Variants in TSPAN18 observed in about 807,000 individuals in gnomAD.
TSPAN18 encodes tetraspanin 18.
Under a neutral mutation model 27.3 loss-of-function variants are expected in TSPAN18, and 14 were observed. The ratio of observed to expected loss-of-function variants is 0.51; its 90% CI spans 0.34 to 0.80. The LOEUF (loss-of-function observed/expected upper bound fraction) is 0.80, where lower values mean the gene tolerates loss of function less well. Ranked by LOEUF, TSPAN18 falls within the 30% of genes least tolerant of loss-of-function variation. The pLI is 0.01. For synonymous variants in TSPAN18, 143 were observed against 136.5 expected (o/e 1.05, Z -0.33); for missense variants, 268 against 323.9 (o/e 0.83, Z 1.32).
At chr11:44,805,524 A>G (rs1856573487) in intron 2 of TSPAN18, among the ~76,000 whole-genome samples, 1 of 152,118 alleles carries the variant, frequency 6.6e-6, no homozygotes, top group Non-Finnish European at 1.5e-5. Context: ...TGGGCCAGGG[A>G]GATTGAGTTC....
chr11:44,756,974 T>C (rs531464001), intron 1 of TSPAN18, among the ~76,000 whole-genome samples: 1 of 152,352 alleles, frequency 6.6e-6, no homozygotes, highest in South Asian at 2.1e-4. Context: ...TTGACTACGA[T>C]GTTTGCTGTT....
chr11:44,881,657 C>G (rs1858492515), intron 3 of TSPAN18, among the ~76,000 whole-genome samples: 1 of 152,220 alleles, frequency 6.6e-6, no homozygotes, highest in Admixed American at 6.5e-5. Flanking sequence ...ATGCCAGGCA[C>G]TGTTCAGACA....
At chr11:44,781,078 G>A (rs1855927520) in intron 2 of TSPAN18, among the ~76,000 whole-genome samples, 1 of 152,246 alleles carries the variant, frequency 6.6e-6, no homozygotes, top group Non-Finnish European at 1.5e-5. Context: ...GGTTTCTGCA[G>A]AGGGCCGGAG....
intron 8 of TSPAN18, chr11:44,926,468 C>T: frequency 1.7e-6 from 1 of 572,410 alleles, no homozygotes; most frequent in South Asian, 2.1e-5. Context: ...GGCCGGGTGG[C>T]AAAGAGGGTC....
chr11:44,846,559 T>TCTG, intron 2 of TSPAN18, among the ~76,000 whole-genome samples: 1 of 151,878 alleles, frequency 6.6e-6, no homozygotes, highest in East Asian at 1.9e-4. Flanking sequence ...ACAGAAACAG[T>TCTG]CTGCTCTGGG....
At chr11:44,732,117 G>T (rs1055117385) in intron 1 of TSPAN18, among the ~76,000 whole-genome samples, 1 of 152,238 alleles carries the variant, frequency 6.6e-6, no homozygotes, top group South Asian at 2.1e-4. Context: ...GGCCCGGTCC[G>T]TGGTCTAAAG....
At chr11:44,878,954 G>A (rs1014661400) in intron 3 of TSPAN18, among the ~76,000 whole-genome samples, 4 of 152,130 alleles carry the variant, frequency 2.6e-5, no homozygotes, top group African/African-American at 4.8e-5. Context: ...TCAGCAGCAC[G>A]ATGGAAATGC....
chr11:44,791,387 C>T (rs1034080639), intron 2 of TSPAN18, among the ~76,000 whole-genome samples: 7 of 152,216 alleles, frequency 4.6e-5, no homozygotes, highest in African/African-American at 1.7e-4. Context: ...CTAATTGGCT[C>T]ATCTGTTTAA....
chr11:44,730,940 T>G (rs939513025), intron 1 of TSPAN18, among the ~76,000 whole-genome samples: 1 of 152,190 alleles, frequency 6.6e-6, no homozygotes, highest in African/African-American at 2.4e-5. Context: ...ACACTTTTTA[T>G]AAAGAATGGG....
At chr11:44,803,905 C>T (rs1161692470) in intron 2 of TSPAN18, among the ~76,000 whole-genome samples, 1 of 152,196 alleles carries the variant, frequency 6.6e-6, no homozygotes, top group Non-Finnish European at 1.5e-5. Flanking sequence ...AGCCTTCCAA[C>T]ATGAAAACCC....
At chr11:44,880,113 C>T (rs1316831463) in intron 3 of TSPAN18, among the ~76,000 whole-genome samples, 1 of 152,248 alleles carries the variant, frequency 6.6e-6, no homozygotes, top group East Asian at 1.9e-4. Context: ...TCCATTACCA[C>T]ATCTTGGACA....
At chr11:44,735,698 G>A (rs1854775574) in intron 1 of TSPAN18, among the ~76,000 whole-genome samples, 1 of 151,198 alleles carries the variant, frequency 6.6e-6, no homozygotes, top group African/African-American at 2.4e-5. Context: ...CTCACTGCAA[G>A]CTCCGCCTCC....
At chr11:44,920,083 G>T in intron 8 of TSPAN18, 84 bp downstream of exon 8, 1 of 1,387,072 alleles carries the variant, frequency 7.2e-7, no homozygotes. Flanking sequence ...TATCACCCCA[G>T]AGGGTCTGAA....
intron 2 of TSPAN18, among the ~76,000 whole-genome samples, chr11:44,780,321 A>G (rs928742503): frequency 4.6e-5 from 7 of 152,234 alleles, no homozygotes; most frequent in Non-Finnish European, 1.0e-4. Context: ...CAGATTATCC[A>G]TTTACCTGGA....
chr11:44,758,678 G>A (rs750030157), intron 1 of TSPAN18, among the ~76,000 whole-genome samples: 2 of 152,276 alleles, frequency 1.3e-5, no homozygotes, highest in African/African-American at 2.4e-5. Context: ...CAGTCTATTA[G>A]CTCATCCAAT....
chr11:44,747,751 C>G (rs1450659358), intron 1 of TSPAN18, among the ~76,000 whole-genome samples: 1 of 152,188 alleles, frequency 6.6e-6, no homozygotes, highest in Non-Finnish European at 1.5e-5. Context: ...TCCTCATGCA[C>G]ACTCACACGC....
Position 44,748,489 on chromosome 11 carries a change from ACT to A in TSPAN18, c.-239-15934_-239-15933del, listed in dbSNP as rs1242192226. 1.4e-4 allele frequency among the ~76,000 whole-genome samples: 21 copies of A among 152,076 alleles called. No individual in the cohort carries two copies. In the East Asian group the frequency reaches 4.1e-3, roughly 29 times the overall value. On this transcript the variant is annotated intron_variant, in intron 1 of 9. Transcript: ENST00000520358. The stretch of plus-strand genomic sequence containing the variant: ...TTCTTACTACATCTTAAATTCCATG[ACT>A]CTGCCAGTGAGTGGACTGGATCTCA...
chr11:44,728,304 T>A (rs4755279), intron 1 of TSPAN18, among the ~76,000 whole-genome samples: 1 of 152,160 alleles, frequency 6.6e-6, no homozygotes, highest in Non-Finnish European at 1.5e-5. Context: ...CAGAAAAAGA[T>A]GTAAGAAACT....
At chr11:44,896,780 C>A (rs2135298965) in intron 3 of TSPAN18, among the ~76,000 whole-genome samples, 1 of 152,186 alleles carries the variant, frequency 6.6e-6, no homozygotes, top group African/African-American at 2.4e-5. Flanking sequence ...CTCCTCCACG[C>A]TGCCACCACC....
Sources: gnomAD v4.1 joint callset for allele counts (sites outside exome capture counted in the v4.1 genomes callset) on GRCh38, gnomAD v4.1.1 for gene constraint, MANE v1.5 for transcripts, NCBI Gene and HGNC (gene_info 2026-07-23, HGNC 2026-07-21) for gene names.